RBFOX1: variants seen among roughly 807,000 people sequenced by gnomAD.
RBFOX1 encodes the protein RNA binding fox-1 homolog 1.
A neutral mutation model predicts 57.7 loss-of-function variants in RBFOX1; 8 were observed. The observed-to-expected ratio is 0.14, with a 90% CI of 0.08 to 0.25. The LOEUF is 0.25. RBFOX1 is among the 10% of genes least tolerant of loss of function. The pLI is 1.00. For synonymous variants in RBFOX1, 326 were observed against 222.4 expected (o/e 1.47, Z -4.15); for missense variants, 611 against 548.5 (o/e 1.11, Z -1.14).
At chr16:6,353,607 A>G (rs569735652) in intron 2 of RBFOX1, among the ~76,000 whole-genome samples, 176 of 152,206 alleles carry the variant, frequency 1.2e-3, no homozygotes, top group Non-Finnish European at 2.0e-3. Flanking sequence ...TGGGGGATTC[A>G]AAGACTTATC....
At chr16:5,565,669 T>TAAAA (rs1394473073) in intron 2 of RBFOX1, among the ~76,000 whole-genome samples, 12 of 150,220 alleles carry the variant, frequency 8.0e-5, no homozygotes, top group African/African-American at 3.0e-4. Context: ...AATAAATAAA[T>TAAAA]AATTTGCAAG....
chr16:7,248,894 T>G (rs1449452313), intron 4 of RBFOX1, among the ~76,000 whole-genome samples: 1 of 152,210 alleles, frequency 6.6e-6, no homozygotes, highest in Non-Finnish European at 1.5e-5. Context: ...AGGCAAATGT[T>G]GCTATGTATA....
At chr16:6,222,694 T>TTATTAC (rs2097383983) in intron 1 of RBFOX1, among the ~76,000 whole-genome samples, 1 of 143,046 alleles carries the variant, frequency 7.0e-6, no homozygotes, top group African/African-American at 2.6e-5. Context: ...TTTATTATTA[T>TTATTAC]TATTATTATT....
intron 4 of RBFOX1, among the ~76,000 whole-genome samples, chr16:7,385,619 T>A (rs1011111242): frequency 2.0e-5 from 3 of 152,154 alleles, no homozygotes; most frequent in African/African-American, 7.2e-5. Flanking sequence ...GTCATCTCAT[T>A]TGGGCGTTGA....
chr16:7,053,910 T>C (rs555757805), intron 4 of RBFOX1, among the ~76,000 whole-genome samples: 2 of 152,118 alleles, frequency 1.3e-5, no homozygotes, highest in East Asian at 1.9e-4. Flanking sequence ...GCACATTTGA[T>C]TGGATAGAGC....
chr16:6,808,227 C>T (rs1391003326), intron 3 of RBFOX1, among the ~76,000 whole-genome samples: 5 of 149,596 alleles, frequency 3.3e-5, no homozygotes, highest in Non-Finnish European at 5.9e-5. Flanking sequence ...CACTAGCTTC[C>T]AGCATGTAGC....
intron 3 of RBFOX1, among the ~76,000 whole-genome samples, chr16:5,682,598 A>T (rs1393117814): frequency 6.6e-6 from 1 of 152,234 alleles, no homozygotes; most frequent in Non-Finnish European, 1.5e-5. Context: ...GGAAGGAATT[A>T]TCCCCATTGT....
At chr16:5,745,628 C>T (rs143500567) in intron 3 of RBFOX1, among the ~76,000 whole-genome samples, 5,387 of 152,196 alleles carry the variant, frequency 0.035, 297 homozygotes, top group African/African-American at 0.12. Context: ...TTTTAATGAT[C>T]GCCATTGTAA....
rs568784785 is a variant in RBFOX1 at position 5,939,539 on chromosome 16, C to T, written c.351+72204C>T. ...ATCCTCACAACATGGCTGCTGGCCG[C>T]CCTTCAGAGCCATGGATCCAAGAGA... On this transcript the variant is annotated intron_variant, in intron 4 of 19. Transcript: ENST00000641259. Among the ~76,000 whole-genome samples the T allele has an allele frequency of 1.8e-3, 279 of 152,284 alleles. 1 individual carries two copies. Among genetic ancestry groups the T allele is most frequent in the African/African-American group, 6.6e-3 (273 of 41,542 alleles).
At chr16:6,425,256 G>A (rs2093892016) in intron 2 of RBFOX1, among the ~76,000 whole-genome samples, 1 of 152,146 alleles carries the variant, frequency 6.6e-6, no homozygotes, top group Non-Finnish European at 1.5e-5. Flanking sequence ...TGGTCAACAG[G>A]TATGAAGTTT....
chr16:5,801,184 C>T (rs1206401685), intron 3 of RBFOX1, among the ~76,000 whole-genome samples: 2 of 152,166 alleles, frequency 1.3e-5, no homozygotes, highest in Admixed American at 6.5e-5. Flanking sequence ...ACCAGAACTC[C>T]TGACCTTCTA....
chr16:6,075,342 CT>C (rs2095883356), intron 1 of RBFOX1, among the ~76,000 whole-genome samples: 1 of 152,214 alleles, frequency 6.6e-6, no homozygotes, highest in Non-Finnish European at 1.5e-5. Flanking sequence ...ATTTATTCAT[CT>C]GTTTAACAAA....
At chr16:5,982,258 C>T (rs1430303065) in intron 4 of RBFOX1, among the ~76,000 whole-genome samples, 1 of 151,464 alleles carries the variant, frequency 6.6e-6, no homozygotes, top group East Asian at 2.0e-4. Flanking sequence ...CACCATAGGG[C>T]CTTTGCACAT....
rs559267402 is a variant in RBFOX1 at position 6,512,068 on chromosome 16, C to A, written c.-63-142535C>A. Among the ~76,000 whole-genome samples, 117 of 150,816 alleles carry A rather than the reference C, an allele frequency of 7.8e-4. 1 individual carries two copies. The highest frequency in any genetic ancestry group is 2.7e-3 in the African/African-American group (112 of 40,966). On this transcript the variant is annotated intron_variant, in intron 2 of 15. Transcript: ENST00000550418. ...GGAGGATCCCTTGAGCCCAGGAGTT[C>A]AAGACCAGTGTATGCAACATAGTAA...
chr16:6,407,236 T>C (rs1402293247), intron 2 of RBFOX1, among the ~76,000 whole-genome samples: 3 of 152,168 alleles, frequency 2.0e-5, no homozygotes, highest in African/African-American at 4.8e-5. Flanking sequence ...TATCTGTATC[T>C]GTACCTTTAT....
At chr16:7,412,089 T>C (rs112572951) in intron 4 of RBFOX1, among the ~76,000 whole-genome samples, 2,387 of 152,168 alleles carry the variant, frequency 0.016, 29 homozygotes, top group Non-Finnish European at 0.025. Context: ...GATGTATTCA[T>C]AGTGGTTCCT....
At chr16:6,584,399 G>A (rs2097577857) in intron 2 of RBFOX1, among the ~76,000 whole-genome samples, 1 of 148,774 alleles carries the variant, frequency 6.7e-6, no homozygotes, top group African/African-American at 2.5e-5. Flanking sequence ...ACATGGTCTT[G>A]CTCTTTCACC....
intron 4 of RBFOX1, among the ~76,000 whole-genome samples, chr16:5,965,453 C>A (rs1425146876): frequency 6.6e-6 from 1 of 152,076 alleles, no homozygotes; most frequent in Non-Finnish European, 1.5e-5. Flanking sequence ...CTCCACAAAG[C>A]TAGGGGGTGG....
chr16:7,521,874 C>G (rs563093783), intron 5 of RBFOX1, among the ~76,000 whole-genome samples: 39 of 152,298 alleles, frequency 2.6e-4, no homozygotes, highest in African/African-American at 9.1e-4. Context: ...ACGTGTCCAT[C>G]AGCTTCTAAT....
Sources: gnomAD v4.1 joint callset for allele counts (sites outside exome capture counted in the v4.1 genomes callset) on GRCh38, gnomAD v4.1.1 for gene constraint, MANE v1.5 for transcripts, NCBI Gene and HGNC (gene_info 2026-07-23, HGNC 2026-07-21) for gene names.